The following CDH20 variants were observed in gnomAD, a reference collection of about 807,000 sequenced individuals.
CDH20 encodes cadherin-20.
A neutral mutation model predicts 74.2 loss-of-function variants in CDH20; 29 were observed. That is an observed-to-expected ratio of 0.39 (90% CI 0.29 to 0.53). The LOEUF (loss-of-function observed/expected upper bound fraction) is 0.53, where lower values mean the gene tolerates loss of function less well. CDH20 is among the 20% of genes least tolerant of loss of function. The pLI is 0.69. For synonymous variants in CDH20, 469 were observed against 405.4 expected, an observed-to-expected ratio of 1.16 and a Z score of -1.88; for missense variants, 988 against 1,048.3, an observed-to-expected ratio of 0.94 and a Z score of 0.79.
At chr18:61,533,537 C>T (rs1444462134) in intron 7 of CDH20, among the ~76,000 whole-genome samples, 1 of 152,096 alleles carries the variant, frequency 6.6e-6, no homozygotes, top group African/African-American at 2.4e-5. Flanking sequence ...GATATTAGCC[C>T]CTTATTTTAT....
At chr18:61,545,319 G>C (rs930959987) in intron 10 of CDH20, among the ~76,000 whole-genome samples, 175 bp downstream of exon 10, 1 of 148,646 alleles carries the variant, frequency 6.7e-6, no homozygotes, top group Non-Finnish European at 1.5e-5. Flanking sequence ...TGTTGGCCAG[G>C]TTGGTCTTGA....
chr18:61,363,310 C>G (rs1342121175), intron 1 of CDH20, among the ~76,000 whole-genome samples: 1 of 152,134 alleles, frequency 6.6e-6, no homozygotes, highest in Non-Finnish European at 1.5e-5. Flanking sequence ...CGGTGCAGAT[C>G]TCTTTATTGA....
At chr18:61,504,843 C>T (rs917109799) in intron 5 of CDH20, among the ~76,000 whole-genome samples, 5 of 151,922 alleles carry the variant, frequency 3.3e-5, no homozygotes, top group Admixed American at 1.3e-4. Flanking sequence ...TATTTACATG[C>T]AAATGGAATA....
intron 1 of CDH20, among the ~76,000 whole-genome samples, chr18:61,438,798 T>C (rs139367454): frequency 3.9e-5 from 6 of 152,224 alleles, no homozygotes; most frequent in East Asian, 1.9e-4. Context: ...AAAAGACACA[T>C]GCACTTCTAT....
rs186178396 is a variant in CDH20 at position 61,555,525 on chromosome 18, G to T, written c.*830G>T. ...TGGAGATTAGATGCTACAAATGAAA[G>T]CCAAATAAAAAAGAAGTATCTGACA... On this transcript the variant is annotated 3_prime_UTR_variant, in exon 12 of 12. Transcript: ENST00000262717. 3.0e-6 allele frequency: 3 copies of T among 985,270 alleles called. No individual in the cohort carries two copies. The African/African-American group carries it at 5.2e-5, about 17-fold the overall frequency. The allele number at this position is 985,270 out of a possible 1,614,324, so 61.0% of individuals were successfully genotyped here. A position where few individuals can be genotyped will look rare whatever the true frequency, so the allele number is the denominator to read the frequency against.
intron 1 of CDH20, among the ~76,000 whole-genome samples, chr18:61,411,693 G>A (rs1013565440): frequency 1.3e-5 from 2 of 151,866 alleles, no homozygotes; most frequent in African/African-American, 4.8e-5. Flanking sequence ...AAAGGAATGA[G>A]TTAATGGCAT....
chr18:61,523,549 C>G (rs1912286696), intron 6 of CDH20, among the ~76,000 whole-genome samples: 1 of 152,056 alleles, frequency 6.6e-6, no homozygotes, highest in Non-Finnish European at 1.5e-5. Flanking sequence ...TACCATATGA[C>G]CCAGCAATCC....
intron 6 of CDH20, among the ~76,000 whole-genome samples, chr18:61,510,506 A>G (rs1233128833): frequency 6.6e-6 from 1 of 152,340 alleles, no homozygotes; most frequent in South Asian, 2.1e-4. Flanking sequence ...ATGGGTGTTT[A>G]TAACTTTTTT....
chr18:61,435,433 G>A (rs1293551022), intron 1 of CDH20, among the ~76,000 whole-genome samples: 2 of 151,976 alleles, frequency 1.3e-5, no homozygotes, highest in Non-Finnish European at 2.9e-5. Context: ...GGATCTCCAC[G>A]TCACAGAGAA....
chr18:61,513,597 A>C (rs1911866398), intron 6 of CDH20, among the ~76,000 whole-genome samples: 1 of 151,590 alleles, frequency 6.6e-6, no homozygotes, highest in South Asian at 2.1e-4. Flanking sequence ...CCTAGTCTCC[A>C]TGGTCTTTAC....
intron 2 of CDH20, among the ~76,000 whole-genome samples, chr18:61,493,251 C>T (rs1021706361): frequency 2.6e-5 from 4 of 152,130 alleles, no homozygotes; most frequent in Admixed American, 6.5e-5. Context: ...GATGCATCTC[C>T]TCCTCTCTAG....
At chr18:61,536,190 G>A (rs1194187212) in intron 7 of CDH20, among the ~76,000 whole-genome samples, 1 of 152,170 alleles carries the variant, frequency 6.6e-6, no homozygotes, top group African/African-American at 2.4e-5. Context: ...AATTCTTGGG[G>A]TAATTCCAAG....
chr18:61,494,978 C>T (rs1010362213), intron 2 of CDH20, among the ~76,000 whole-genome samples: 1 of 152,152 alleles, frequency 6.6e-6, no homozygotes, highest in Non-Finnish European at 1.5e-5. Context: ...TCTTCAGGAC[C>T]TGCTTGTACT....
chr18:61,531,461 G>A (rs766592074), intron 7 of CDH20, among the ~76,000 whole-genome samples: 2 of 152,212 alleles, frequency 1.3e-5, no homozygotes, highest in African/African-American at 4.8e-5. Context: ...AGAGAAGACT[G>A]TCATGAGCCA....
intron 1 of CDH20, among the ~76,000 whole-genome samples, chr18:61,378,627 G>A (rs574706894): frequency 6.6e-6 from 1 of 152,102 alleles, no homozygotes; most frequent in Non-Finnish European, 1.5e-5. Flanking sequence ...CCAGAATAAT[G>A]TTTGGCCAAA....
intron 1 of CDH20, among the ~76,000 whole-genome samples, chr18:61,339,360 T>TACACACACACACACACAC (rs35630137): frequency 2.1e-4 from 31 of 145,846 alleles, no homozygotes; most frequent in African/African-American, 7.3e-4. Context: ...GCAAGTTTAT[T>TACACACACACACACACAC]ACACACACAC....
intron 1 of CDH20, among the ~76,000 whole-genome samples, chr18:61,357,977 G>T (rs1330536920): frequency 6.6e-6 from 1 of 152,074 alleles, no homozygotes; most frequent in Non-Finnish European, 1.5e-5. Context: ...CCGAACTGCT[G>T]CATGGTTCAT....
chr18:61,339,624 T>C (rs979929206), intron 1 of CDH20, among the ~76,000 whole-genome samples: 1 of 151,392 alleles, frequency 6.6e-6, no homozygotes, highest in Non-Finnish European at 1.5e-5. Flanking sequence ...AATTAAAGGG[T>C]AACTAATAAA....
In CDH20 at chr18:61,447,186, C is replaced by A. The variant is rs189408353; in HGVS notation, c.-152-43216C>A. Among the ~76,000 whole-genome samples the A allele has an allele frequency of 5.5e-3, 840 of 152,250 alleles. 13 individuals carry two copies. Among genetic ancestry groups the A allele is most frequent in the African/African-American group, 0.02 (812 of 41,540 alleles). ...AACACGAACGTTTGAATATGGGGAC[C>A]TAGTGAGTTCAGTTGGGACATATTA... On this transcript the variant is annotated intron_variant, in intron 1 of 11. Coordinates refer to ENST00000262717, the MANE Select transcript of CDH20 (RefSeq NM_031891.4).
Sources: gnomAD v4.1 joint callset for allele counts (sites outside exome capture counted in the v4.1 genomes callset) on GRCh38, gnomAD v4.1.1 for gene constraint, MANE v1.5 for transcripts, NCBI Gene and HGNC (gene_info 2026-07-23, HGNC 2026-07-21) for gene names.